ZNF438: variants seen among roughly 807,000 people sequenced by gnomAD.
ZNF438 encodes zinc finger protein 438.
Under a neutral mutation model 38.0 loss-of-function variants are expected in ZNF438, and 25 were observed. That is an observed-to-expected ratio of 0.66 (90% CI 0.48 to 0.92). The LOEUF (loss-of-function observed/expected upper bound fraction) is 0.92, where lower values mean the gene tolerates loss of function less well. Among genes scored for constraint, ZNF438 ranks in the 40% least tolerant of loss-of-function variants. The probability of loss-of-function intolerance (pLI) is 0.00; values close to 1 mark genes in which losing one functional copy is unlikely to be tolerated. For synonymous variants in ZNF438, 372 were observed against 364.1 expected (o/e 1.02, Z -0.25); for missense variants, 1,007 against 999.6 (o/e 1.01, Z -0.10).
intron 2 of ZNF438, among the ~76,000 whole-genome samples, chr10:30,940,611 C>A (rs1485065586): frequency 2.6e-5 from 4 of 152,234 alleles, no homozygotes; most frequent in South Asian, 2.1e-4. Context: ...GCTTTGAATG[C>A]TAGGCAAACG....
At chr10:30,934,294 G>A (rs2046003657) in intron 2 of ZNF438, among the ~76,000 whole-genome samples, 1 of 152,166 alleles carries the variant, frequency 6.6e-6, no homozygotes, top group Non-Finnish European at 1.5e-5. Flanking sequence ...ATCCGTATCT[G>A]TGTATCTGAA....
intron 1 of ZNF438, among the ~76,000 whole-genome samples, chr10:30,992,117 T>C (rs1025512269): frequency 6.6e-6 from 1 of 152,214 alleles, no homozygotes; most frequent in Non-Finnish European, 1.5e-5. Context: ...TGCAAGACCC[T>C]TGCCAGATGT....
In ZNF438 at chr10:30,848,799, T is replaced by A. The variant is rs773532712; in HGVS notation, c.1606A>T (p.Ser536Cys). Residue 536 changes from serine (S) to cysteine (C), a missense_variant, in exon 5 of 6, where the codon AGT (serine) becomes TGT (cysteine). Physicochemically the swap from Ser to Cys is moderately radical, Grantham distance 112. Coordinates refer to ENST00000413025, the Ensembl canonical transcript of ZNF438. The stretch of plus-strand genomic sequence containing the variant: ...TAGGACTTGCGACAAATCCGACAAC[T>A]GTAAGGGCGTCTGTTGGTGTGTGTA... The A allele has an allele frequency of 4.3e-6, 7 of 1,614,158 alleles. No individual in the cohort carries two copies. In the East Asian group the frequency reaches 1.3e-4, roughly 31 times the overall value.
At chr10:30,986,659 A>C (rs1368343494) in intron 1 of ZNF438, among the ~76,000 whole-genome samples, 1 of 152,198 alleles carries the variant, frequency 6.6e-6, no homozygotes, top group Non-Finnish European at 1.5e-5. Context: ...AAATTTTGAA[A>C]CATTTGCATT....
chr10:31,019,667 G>T (rs559580891), intron 1 of ZNF438, among the ~76,000 whole-genome samples: 4 of 152,218 alleles, frequency 2.6e-5, no homozygotes, highest in African/African-American at 9.6e-5. Context: ...CACAGAAAGT[G>T]AAGTTAAGTT....
At chr10:30,995,065 A>C (rs1040152769) in intron 1 of ZNF438, among the ~76,000 whole-genome samples, 3 of 152,070 alleles carry the variant, frequency 2.0e-5, no homozygotes, top group African/African-American at 7.2e-5. Flanking sequence ...TGAATGAAAA[A>C]GAACAAAAAA....
chr10:31,026,406 C>T (rs1016040771), intron 1 of ZNF438, among the ~76,000 whole-genome samples: 1 of 146,620 alleles, frequency 6.8e-6, no homozygotes, highest in Non-Finnish European at 1.5e-5. Context: ...AAAAATCAAA[C>T]AACCCCATCA....
intron 3 of ZNF438, among the ~76,000 whole-genome samples, chr10:30,886,761 G>C (rs1353757143): frequency 1.3e-5 from 2 of 152,140 alleles, no homozygotes; most frequent in Non-Finnish European, 2.9e-5. Context: ...ATCTTGAGTT[G>C]AACTAAGGTA....
intron 4 of ZNF438, among the ~76,000 whole-genome samples, chr10:30,852,128 A>G (rs2033759364): frequency 6.6e-6 from 1 of 151,532 alleles, no homozygotes; most frequent in Admixed American, 6.6e-5. Context: ...GCACCACTAT[A>G]CTCCAGCCTG....
chr10:31,017,890 T>C (rs577243544), intron 1 of ZNF438, among the ~76,000 whole-genome samples: 64 of 152,356 alleles, frequency 4.2e-4, no homozygotes, highest in Admixed American at 1.8e-3. Context: ...GTCACAAGAA[T>C]GGCAATGTCC....
chr10:31,016,227 CAT>C (rs746162247), intron 1 of ZNF438, among the ~76,000 whole-genome samples: 102 of 151,268 alleles, frequency 6.7e-4, no homozygotes, highest in South Asian at 1.5e-3. Context: ...TAAAAAGAAA[CAT>C]AGCATAATTA....
intron 1 of ZNF438, among the ~76,000 whole-genome samples, chr10:31,010,565 A>C (rs2055574269): frequency 6.6e-6 from 1 of 152,178 alleles, no homozygotes; most frequent in African/African-American, 2.4e-5. Context: ...TGGCATAAAA[A>C]ATTGAACATG....
chr10:30,939,335 T>C lies in ZNF438; in HGVS notation c.-115+2240A>G, dbSNP rs1288890971. ...ATCATTATGCCTATGTAAATGATAATCCCTTGTCCACAAAAACTGATGTGA... is the reference window on the plus strand; with the variant it reads ...ATCATTATGCCTATGTAAATGATAACCCCTTGTCCACAAAAACTGATGTGA... On this transcript the variant is annotated intron_variant, in intron 2 of 5. Coordinates refer to ENST00000413025, the Ensembl canonical transcript of ZNF438. 2.0e-5 allele frequency among the ~76,000 whole-genome samples: 3 copies of C among 152,328 alleles called. No individual in the cohort carries two copies. The East Asian group carries it at 5.8e-4, about 29-fold the overall frequency.
chr10:30,850,242 A>C (rs2033328734), exon 5 of ZNF438: 1 of 1,614,168 alleles, frequency 6.2e-7, no homozygotes, highest in Non-Finnish European at 8.5e-7. Context: ...CGTGATGGTG[A>C]ATGACATGGC....
Position 30,868,878 on chromosome 10 carries a change from A to G in ZNF438, c.37+8120T>C, listed in dbSNP as rs74990261. ...CTCCAACTGCTTTCTATCAAAGTACATAAATGCTATTTGCACCTGCATTTA... is the reference window on the plus strand; with the variant it reads ...CTCCAACTGCTTTCTATCAAAGTACGTAAATGCTATTTGCACCTGCATTTA... On this transcript the variant is annotated intron_variant, in intron 4 of 5. Coordinates refer to ENST00000413025, the Ensembl canonical transcript of ZNF438. 5.0e-3 allele frequency among the ~76,000 whole-genome samples: 756 copies of G among 152,374 alleles called. 11 individuals carry two copies. Among genetic ancestry groups the G allele is most frequent in the African/African-American group, 0.017 (723 of 41,592 alleles).
chr10:30,939,626 G>A (rs191418258), intron 2 of ZNF438, among the ~76,000 whole-genome samples: 36 of 151,740 alleles, frequency 2.4e-4, no homozygotes, highest in Middle Eastern at 3.4e-3. Context: ...TGACATGAGA[G>A]TATCAGCAAC....
At chr10:30,947,508 G>A (rs556206232) in intron 1 of ZNF438, among the ~76,000 whole-genome samples, 4 of 152,256 alleles carry the variant, frequency 2.6e-5, no homozygotes, top group Non-Finnish European at 5.9e-5. Flanking sequence ...CAGAGGTGGA[G>A]CCTACAGAGG....
chr10:30,954,788 T>C (rs1589406745), intron 1 of ZNF438, among the ~76,000 whole-genome samples: 1 of 152,250 alleles, frequency 6.6e-6, no homozygotes, highest in East Asian at 1.9e-4. Context: ...CAGCTTGCAC[T>C]GAAAGGGACA....
chr10:31,026,559 T>C (rs1287574570), intron 1 of ZNF438, among the ~76,000 whole-genome samples: 3 of 152,160 alleles, frequency 2.0e-5, no homozygotes, highest in African/African-American at 7.2e-5. Flanking sequence ...TCACACCAGT[T>C]AGATTGGCGA....
Sources: gnomAD v4.1 joint callset for allele counts (sites outside exome capture counted in the v4.1 genomes callset) on GRCh38, gnomAD v4.1.1 for gene constraint, MANE v1.5 for transcripts, NCBI Gene and HGNC (gene_info 2026-07-23, HGNC 2026-07-21) for gene names.